CORO1C: variants seen among roughly 807,000 people sequenced by gnomAD.
CORO1C encodes coronin 1C, also known as coronin-1C.
Under a neutral mutation model 51.2 loss-of-function variants are expected in CORO1C, and 14 were observed. That is an observed-to-expected ratio of 0.27 (90% CI 0.18 to 0.43). CORO1C has a LOEUF of 0.43. CORO1C is among the 20% of genes least tolerant of loss of function. CORO1C has a pLI of 1.00. For missense variants in CORO1C, 417 were observed against 607.8 expected (o/e 0.69, Z 3.30); for synonymous variants, 181 against 210.5 (o/e 0.86, Z 1.21).
chr12:108,724,560 A>G (rs2035543781), intron 1 of CORO1C, among the ~76,000 whole-genome samples: 1 of 152,184 alleles, frequency 6.6e-6, no homozygotes, highest in African/African-American at 2.4e-5. Context: ...CTGGATTCAT[A>G]TAGGTCCACA....
chr12:108,645,186 C>T lies in CORO1C; in HGVS notation c.*2217G>A, dbSNP rs997140254. On this transcript the variant is annotated 3_prime_UTR_variant, in exon 11 of 11. Transcript: ENST00000261401. ...AACACTATGGCCACTCTATAAGAGC[C>T]GACCTAGGAGTAATTCACTGTCCTC... is the stretch of plus-strand genomic sequence containing the variant. 16 of 150,492 alleles carry T rather than the reference C, an allele frequency of 1.1e-4. No homozygotes were observed. Among genetic ancestry groups the T allele is most frequent in the African/African-American group, 3.7e-4 (15 of 40,688 alleles). The allele number at this position is 150,492 out of a possible 1,614,324, so 9.3% of individuals were successfully genotyped here. A position where few individuals can be genotyped will look rare whatever the true frequency, so the allele number is the denominator to read the frequency against.
Position 108,654,352 on chromosome 12 carries a change from A to G in CORO1C, c.809T>C (p.Leu270Pro). Residue 270 changes from leucine to proline, a missense_variant, in exon 7 of 11, where the codon CTG becomes CCG. Transcript: ENST00000261401. Reference protein sequence around the residue: ...HEMDTSNGVLLPFYDPDTSII... With the variant: ...HEMDTSNGVLPPFYDPDTSII... ...GCTGGTGTCAGGGTCATAGAAAGGC[A>G]GCAACACCCCATTGCTAGTGTCCAT... 1.2e-6 allele frequency: 2 copies of G among 1,613,768 alleles called. No individual in the cohort carries two copies. Among genetic ancestry groups the G allele is most frequent in the Non-Finnish European group, 1.7e-6 (2 of 1,179,642 alleles).
At chr12:108,652,530 C>T (rs147482343) in intron 7 of CORO1C, 113 bp from the exon 8 acceptor site, 3 of 762,310 alleles carry the variant, frequency 3.9e-6, no homozygotes, top group East Asian at 5.0e-5. Context: ...GCTTCAGTAG[C>T]TGACCTTTTC....
At chr12:108,699,698 T>C (rs895134836) in intron 2 of CORO1C, among the ~76,000 whole-genome samples, 19 of 152,286 alleles carry the variant, frequency 1.2e-4, no homozygotes, top group African/African-American at 4.6e-4. Flanking sequence ...CAAAACCAGA[T>C]GAAGAACACT....
chr12:108,688,951 A>G (rs1303721129), intron 2 of CORO1C, among the ~76,000 whole-genome samples: 3 of 151,304 alleles, frequency 2.0e-5, no homozygotes. Flanking sequence ...GAATTGCTTG[A>G]GCCTGGGAGA....
At chr12:108,652,211 G>T in intron 8 of CORO1C, 61 bp downstream of exon 8, 2 of 1,514,104 alleles carry the variant, frequency 1.3e-6, no homozygotes, top group South Asian at 1.2e-5. Flanking sequence ...GCTAGTCCAA[G>T]TACAAATAAT....
chr12:108,662,250 A>G, intron 3 of CORO1C, 92 bp from the exon 4 acceptor site: 2 of 1,099,164 alleles, frequency 1.8e-6, no homozygotes, highest in South Asian at 1.3e-5. Flanking sequence ...GATTTGCTCT[A>G]TGTAAACAGA....
chr12:108,722,054 G>A (rs539395436), intron 1 of CORO1C, among the ~76,000 whole-genome samples: 1 of 152,174 alleles, frequency 6.6e-6, no homozygotes, highest in Non-Finnish European at 1.5e-5. Context: ...CTTACGTGGG[G>A]TCTGCCTGAC....
intron 2 of CORO1C, among the ~76,000 whole-genome samples, chr12:108,684,459 C>A (rs576550426): frequency 1.1e-3 from 161 of 152,022 alleles, no homozygotes; most frequent in African/African-American, 3.7e-3. Context: ...ATATTTTGTA[C>A]AAGAGGAATA....
chr12:108,713,184 G>A (rs2035231679), intron 1 of CORO1C, among the ~76,000 whole-genome samples: 1 of 152,190 alleles, frequency 6.6e-6, no homozygotes, highest in South Asian at 2.1e-4. Context: ...CAAAATGTCA[G>A]ATACACAACA....
chr12:108,647,578 C>G (rs2032421497), intron 10 of CORO1C, 56 bp from the exon 11 acceptor site: 1 of 1,268,900 alleles, frequency 7.9e-7, no homozygotes, highest in African/African-American at 1.5e-5. Context: ...AAGTTCAACA[C>G]TGTTCAAAAC....
At chr12:108,653,296 C>T (rs2032765567) in intron 7 of CORO1C, among the ~76,000 whole-genome samples, 1 of 152,168 alleles carries the variant, frequency 6.6e-6, no homozygotes, top group Non-Finnish European at 1.5e-5. Flanking sequence ...TGTTTTAATT[C>T]AGTCAAGGGC....
intron 1 of CORO1C, among the ~76,000 whole-genome samples, chr12:108,720,115 G>A (rs1352475442): frequency 1.3e-5 from 2 of 152,118 alleles, no homozygotes; most frequent in African/African-American, 4.8e-5. Flanking sequence ...GAGCCTGGGA[G>A]GGCGACGCTG....
chr12:108,663,051 C>T (rs944004489), intron 3 of CORO1C, among the ~76,000 whole-genome samples: 4 of 152,054 alleles, frequency 2.6e-5, no homozygotes, highest in South Asian at 2.1e-4. Context: ...ATATAAATGG[C>T]GAAAAAGCAC....
intron 1 of CORO1C, 122 bp from the exon 2 acceptor site, chr12:108,701,445 A>G: frequency 6.8e-7 from 1 of 1,469,840 alleles, no homozygotes; most frequent in South Asian, 1.3e-5. Context: ...GCTCTCCTAA[A>G]AAGTAGCCAA....
intron 1 of CORO1C, chr12:108,701,802 T>C (rs1319333472): frequency 1.1e-5 from 2 of 184,522 alleles, no homozygotes; most frequent in Admixed American, 1.1e-4. Flanking sequence ...TGTAAACATT[T>C]TCCCTAGACA....
chr12:108,705,079 A>G (rs1009442889), intron 1 of CORO1C, among the ~76,000 whole-genome samples: 2 of 152,242 alleles, frequency 1.3e-5, no homozygotes, highest in African/African-American at 4.8e-5. Flanking sequence ...AGTAACTGAC[A>G]TAAGATAATT....
intron 6 of CORO1C, among the ~76,000 whole-genome samples, chr12:108,655,146 T>G (rs1452300688): frequency 2.0e-5 from 3 of 152,232 alleles, no homozygotes; most frequent in Non-Finnish European, 4.4e-5. Context: ...CATTTTGATC[T>G]ATTTCCTTCC....
chr12:108,719,508 C>T (rs1405773294), intron 1 of CORO1C, among the ~76,000 whole-genome samples: 1 of 152,180 alleles, frequency 6.6e-6, no homozygotes, highest in African/African-American at 2.4e-5. Flanking sequence ...CCTATCTTAA[C>T]TTACTCGGTC....
Sources: gnomAD v4.1 joint callset for allele counts (sites outside exome capture counted in the v4.1 genomes callset) on GRCh38, gnomAD v4.1.1 for gene constraint, MANE v1.5 for transcripts, NCBI Gene and HGNC (gene_info 2026-07-23, HGNC 2026-07-21) for gene names.